The following DNM1L variants were observed in gnomAD, a reference collection of about 807,000 sequenced individuals.
DNM1L encodes dynamin 1L.
DNM1L carries 33 observed loss-of-function variants against 92.8 expected under a neutral mutation model. The observed-to-expected ratio is 0.36, with a 90% CI of 0.27 to 0.48. The LOEUF (loss-of-function observed/expected upper bound fraction) is 0.48, where lower values mean the gene tolerates loss of function less well. Among genes scored for constraint, DNM1L ranks in the 20% least tolerant of loss-of-function variants. The probability of loss-of-function intolerance (pLI) is 0.99; values close to 1 mark genes in which losing one functional copy is unlikely to be tolerated. For synonymous variants in DNM1L, 284 were observed against 305.0 expected (o/e 0.93, Z 0.72); for missense variants, 485 against 888.8 (o/e 0.55, Z 5.78).
chr12:32,698,988 C>T, intron 1 of DNM1L, among the ~76,000 whole-genome samples: 1 of 151,654 alleles, frequency 6.6e-6, no homozygotes, highest in Non-Finnish European at 1.5e-5. Context: ...CCATTGCACT[C>T]CAGCCTGAAT....
chr12:32,680,001 A>G (rs1485541278), intron 1 of DNM1L: 4 of 985,460 alleles, frequency 4.1e-6, no homozygotes, highest in Non-Finnish European at 4.8e-6. Flanking sequence ...CGTGAGCGCC[A>G]GTGTTTTCCT....
intron 1 of DNM1L, 119 bp downstream of exon 1, chr12:32,679,584 G>A: frequency 7.0e-7 from 1 of 1,438,368 alleles, no homozygotes; most frequent in Non-Finnish European, 9.3e-7. Context: ...GGGGCCTGTG[G>A]GAGGAGGGCC....
chr12:32,682,086 C>G (rs1054616526), intron 1 of DNM1L, among the ~76,000 whole-genome samples: 1 of 151,630 alleles, frequency 6.6e-6, no homozygotes, highest in Non-Finnish European at 1.5e-5. Context: ...TCTTGTTGAA[C>G]TTTTTGGAAC....
intron 4 of DNM1L, among the ~76,000 whole-genome samples, chr12:32,710,611 C>T (rs1038125057): frequency 7.2e-6 from 1 of 138,322 alleles, no homozygotes; most frequent in Non-Finnish European, 1.5e-5. Flanking sequence ...AGAGTGAGAC[C>T]TTGTCTCAAA....
At chr12:32,717,959 GTA>G (rs1239704635) in intron 6 of DNM1L, among the ~76,000 whole-genome samples, 19 of 98,634 alleles carry the variant, frequency 1.9e-4, no homozygotes, top group East Asian at 9.7e-4. Context: ...AGTATATATA[GTA>G]TATATATTAT....
intron 1 of DNM1L, chr12:32,680,062 A>G: frequency 1.0e-6 from 1 of 957,558 alleles, no homozygotes; most frequent in Non-Finnish European, 1.2e-6. Flanking sequence ...ATTTTAAAAA[A>G]AGAAAAACAA....
chr12:32,720,856 G>A, intron 8 of DNM1L, 61 bp downstream of exon 8: 1 of 1,600,296 alleles, frequency 6.2e-7, no homozygotes, highest in African/African-American at 1.3e-5. Flanking sequence ...TGTCTGAGAG[G>A]GTTCATTTTC....
chr12:32,701,697 T>A, intron 2 of DNM1L, 135 bp downstream of exon 2: 1 of 795,426 alleles, frequency 1.3e-6, no homozygotes, highest in Non-Finnish European at 2.0e-6. Flanking sequence ...GTAGTATGCA[T>A]CTTTCTTAAT....
intron 15 of DNM1L, 150 bp from the exon 16 acceptor site, chr12:32,738,114 A>T: frequency 1.8e-6 from 2 of 1,089,922 alleles, no homozygotes; most frequent in Non-Finnish European, 2.7e-6. Context: ...TGCATAGTTT[A>T]TATTGTTGAC....
At chr12:32,717,995 GTATA>G (rs1953602505) in intron 6 of DNM1L, among the ~76,000 whole-genome samples, 1 of 110,054 alleles carries the variant, frequency 9.1e-6, no homozygotes, top group African/African-American at 3.7e-5. Context: ...AGTATGTATA[GTATA>G]TATAATATAT....
chr12:32,740,885 C>T lies in DNM1L; in HGVS notation c.1994+367C>T, dbSNP rs765389957. On this transcript the variant is annotated intron_variant, in intron 18 of 19. Coordinates refer to ENST00000549701, the MANE Select transcript of DNM1L (RefSeq NM_012062.5). ...AACTTGGTTTTCCAAAGTATCAAAA[C>T]GAATGTCTTTTACTAGGAAATATGT... Among the ~76,000 whole-genome samples, 57 of 152,144 alleles carry T rather than the reference C, an allele frequency of 3.7e-4. 1 individual carries two copies. Among genetic ancestry groups the T allele is most frequent in the African/African-American group, 6.3e-4 (26 of 41,414 alleles).
rs7487855 is a variant in DNM1L at position 32,731,430 on chromosome 12, A to T, written c.1275A>T (p.Glu425Asp). 1 of 1,614,094 alleles carries T rather than the reference A, an allele frequency of 6.2e-7. No homozygotes were observed. Among genetic ancestry groups the T allele is most frequent in the African/African-American group, 1.3e-5 (1 of 74,934 alleles). ...LLVKRQIKRL[E>D]EPSLRCVELV... ...TGAAGCGGCAAATCAAACGTCTAGAAGAGCCCAGCCTCCGCTGTGTGGAAC... is the reference window on the plus strand; with the variant it reads ...TGAAGCGGCAAATCAAACGTCTAGATGAGCCCAGCCTCCGCTGTGTGGAAC... Residue 425 changes from glutamate to aspartate, a missense_variant, in exon 11 of 20, where the codon GAA becomes GAT. Transcript: ENST00000549701. This position sits in a 1 kb window ranked among gnomAD's most constrained non-coding sequence, Gnocchi z 5.1.
rs1372243423 is a variant in DNM1L at position 32,726,416 on chromosome 12, C to CT, written c.1079+3785dup. On this transcript the variant is annotated intron_variant, in intron 9 of 19. Coordinates refer to ENST00000549701, the MANE Select transcript of DNM1L (RefSeq NM_012062.5). ...TGCACTCTGCTGGGTTTTGATCCTT[C>CT]TTCGGGTCATAGTCTGGATCATTTT... The CT allele has an allele frequency of 4.6e-6, 7 of 1,530,272 alleles. No individual in the cohort carries two copies. The East Asian group carries it at 1.6e-4, about 34-fold the overall frequency. 94.8% of individuals were successfully genotyped at this position (1,530,272 alleles called of 1,614,324 possible).
intron 1 of DNM1L, among the ~76,000 whole-genome samples, chr12:32,685,424 T>C (rs1951970184): frequency 6.9e-6 from 1 of 145,760 alleles, no homozygotes; most frequent in Non-Finnish European, 1.5e-5. Context: ...GCTGTGGCGC[T>C]ATCTTGGCTT....
chr12:32,696,383 A>AACACACACACACAC (rs58224525), intron 1 of DNM1L, among the ~76,000 whole-genome samples: 150 of 145,116 alleles, frequency 1.0e-3, no homozygotes, highest in African/African-American at 3.6e-3. Flanking sequence ...CACACACACA[A>AACACACACACACAC]ACACACACAC....
chr12:32,691,052 A>G (rs1952209161), intron 1 of DNM1L, among the ~76,000 whole-genome samples: 1 of 152,190 alleles, frequency 6.6e-6, no homozygotes, highest in South Asian at 2.1e-4. Context: ...AAAAAGCAGA[A>G]GTTTATTTTC....
At chr12:32,714,003 A>C (rs927578115) in intron 6 of DNM1L, among the ~76,000 whole-genome samples, 1 of 152,164 alleles carries the variant, frequency 6.6e-6, no homozygotes, top group Non-Finnish European at 1.5e-5. Context: ...TGGGTCACTG[A>C]TGCTTGACTA....
chr12:32,704,549 TAA>T (rs10600620), intron 2 of DNM1L, among the ~76,000 whole-genome samples: 22,926 of 145,008 alleles, frequency 0.16, 1,837 homozygotes, highest in African/African-American at 0.21. Flanking sequence ...GACTCCGTCT[TAA>T]AAAAAAAAAA....
rs758496777 is a variant in DNM1L, at chr12:32,708,269, T to A, written c.369+45T>A. 6.5e-6 allele frequency: 8 copies of A among 1,231,586 alleles called. No individual in the cohort carries two copies. The East Asian group carries it at 1.9e-4, about 29-fold the overall frequency. The allele number at this position is 1,231,586 out of a possible 1,614,324, so 76.3% of individuals were successfully genotyped here. ...TAGAAGGCATAAGCATCAGTAAATA[T>A]ATAATTGAGGTATTCTGTACATAAT... On this transcript the variant is annotated intron_variant, in intron 4 of 19. Transcript: ENST00000549701.
Sources: allele counts gnomAD v4.1 joint callset (sites outside exome capture counted in the v4.1 genomes callset), GRCh38; gene constraint gnomAD v4.1.1; non-coding constraint Gnocchi (gnomAD v3.1); transcripts MANE v1.5; gene names NCBI Gene and HGNC (gene_info 2026-07-23, HGNC 2026-07-21).